The following MEIS2 variants were observed in gnomAD, a reference collection of about 807,000 sequenced individuals.
MEIS2 encodes the protein homeobox protein Meis2.
Under a neutral mutation model 58.6 loss-of-function variants are expected in MEIS2, and 9 were observed. The observed-to-expected ratio is 0.15, with a 90% CI of 0.09 to 0.27. The LOEUF (loss-of-function observed/expected upper bound fraction) is 0.27. Ranked by LOEUF, MEIS2 falls within the 10% of genes least tolerant of loss-of-function variation. MEIS2 has a pLI of 1.00. For missense variants in MEIS2, 427 were observed against 635.0 expected, an observed-to-expected ratio of 0.67 and a Z score of 3.52; for synonymous variants, 221 against 228.4, an observed-to-expected ratio of 0.97 and a Z score of 0.29.
chr15:36,900,174 C>T (rs1330791152), intron 9 of MEIS2, among the ~76,000 whole-genome samples: 1 of 152,182 alleles, frequency 6.6e-6, no homozygotes, highest in African/African-American at 2.4e-5. Flanking sequence ...TTAAACAGTT[C>T]TTAAAAAACA....
intron 9 of MEIS2, among the ~76,000 whole-genome samples, chr15:36,918,429 G>C (rs915875487): frequency 1.3e-5 from 2 of 152,150 alleles, no homozygotes; most frequent in Non-Finnish European, 2.9e-5. Context: ...AGTCCAATTT[G>C]TATTGTAAAG....
At chr15:37,093,461 C>A (rs749442925) in intron 6 of MEIS2, 120 bp downstream of exon 6, 5 of 1,244,128 alleles carry the variant, frequency 4.0e-6, no homozygotes, top group Non-Finnish European at 5.5e-6. Flanking sequence ...AGAAAAGACC[C>A]CAAAAGAGAC....
chr15:36,963,821 G>A (rs1271930116), intron 8 of MEIS2, among the ~76,000 whole-genome samples: 2 of 152,212 alleles, frequency 1.3e-5, no homozygotes, highest in Non-Finnish European at 2.9e-5. Context: ...GACTGGTTAT[G>A]CTTTCTTTTA....
chr15:37,031,815 TTGTG>T (rs66770353), intron 8 of MEIS2, among the ~76,000 whole-genome samples: 2,512 of 134,152 alleles, frequency 0.019, 28 homozygotes, highest in African/African-American at 0.029. Context: ...TTACATCACT[TTGTG>T]TGTGTGTGTG....
At chr15:37,040,681 G>C (rs1188503630) in intron 7 of MEIS2, among the ~76,000 whole-genome samples, 2 of 152,308 alleles carry the variant, frequency 1.3e-5, no homozygotes, top group East Asian at 3.9e-4. Context: ...CATAGTCTAA[G>C]TTTTGGGTAA....
At position 36,891,484 on chromosome 15, in the gene MEIS2, AG is replaced by A. The variant is rs1268729130; in HGVS notation, c.*688del. 7 of 152,692 alleles carry A rather than the reference AG, an allele frequency of 4.6e-5. No homozygotes were observed. The highest frequency in any genetic ancestry group is 1.7e-4 in the African/African-American group (7 of 41,462). 9.5% of individuals were successfully genotyped at this position (152,692 alleles called of 1,614,324 possible). A position where few individuals can be genotyped will look rare whatever the true frequency, so the allele number is the denominator to read the frequency against. On this transcript the variant is annotated 3_prime_UTR_variant, in exon 12 of 12. Transcript: ENST00000561208. ...ACCAAGGCTCAGAACTCCTGGAAGA[AG>A]CTCCTGCTCTGTCTTTAAATCTTCA... is the stretch of plus-strand genomic sequence containing the variant.
intron 8 of MEIS2, among the ~76,000 whole-genome samples, chr15:36,985,135 T>C (rs1415510562): frequency 6.6e-6 from 1 of 152,162 alleles, no homozygotes; most frequent in African/African-American, 2.4e-5. Context: ...ACTTGATCTT[T>C]CTTAAGTAAG....
intron 8 of MEIS2, among the ~76,000 whole-genome samples, chr15:37,020,493 C>T (rs891100833): frequency 1.5e-4 from 23 of 152,128 alleles, no homozygotes; most frequent in Non-Finnish European, 3.1e-4. Context: ...ACCGAATAGT[C>T]CTCCCCACGC....
At chr15:37,020,898 G>A (rs1458430990) in intron 8 of MEIS2, among the ~76,000 whole-genome samples, 2 of 152,038 alleles carry the variant, frequency 1.3e-5, no homozygotes, top group East Asian at 3.9e-4. Flanking sequence ...AATTTTGTGT[G>A]TTGAAACCCC....
intron 9 of MEIS2, among the ~76,000 whole-genome samples, chr15:36,904,472 G>A (rs1314639473): frequency 2.0e-5 from 3 of 152,246 alleles, no homozygotes; most frequent in African/African-American, 4.8e-5. Flanking sequence ...TGAACCACAC[G>A]CTCCTGAGTT....
intron 7 of MEIS2, among the ~76,000 whole-genome samples, chr15:37,047,289 C>A (rs566874146): frequency 6.6e-6 from 1 of 152,282 alleles, no homozygotes; most frequent in South Asian, 2.1e-4. Context: ...CTACCTAGAG[C>A]TAAAGCTTTT....
chr15:36,929,258 G>A (rs1249205905), intron 9 of MEIS2, among the ~76,000 whole-genome samples: 1 of 152,214 alleles, frequency 6.6e-6, no homozygotes, highest in East Asian at 1.9e-4. Flanking sequence ...ACTGTAGTGA[G>A]TCAGTAAGAT....
chr15:37,099,718 T>G lies in MEIS2; in HGVS notation c.-252A>C. ...CTCCTCCTCCTGATCTTCCTCCTCC[T>G]CCTCCACCTCCTCCTCCTCCCCCCT... On this transcript the variant is annotated 5_prime_UTR_variant, in exon 1 of 12. Transcript: ENST00000561208. 1 of 417,302 alleles carries G rather than the reference T, an allele frequency of 2.4e-6. No homozygotes were observed. The highest frequency in any genetic ancestry group is 4.3e-6 in the Non-Finnish European group (1 of 234,414). 25.8% of individuals were successfully genotyped at this position (417,302 alleles called of 1,614,324 possible).
chr15:37,095,548 G>T lies in MEIS2; in HGVS notation c.438+16C>A, dbSNP rs759048701. 1.2e-6 allele frequency: 2 copies of T among 1,614,164 alleles called. No homozygotes were observed. The highest frequency in any genetic ancestry group is 1.7e-5 in the Admixed American group (1 of 60,020). ...AGGGCAAAGGCTGGGGAAAAACAAG[G>T]AACAGAGAGCCTTACCAAATTGTCC... On this transcript the variant is annotated intron_variant, in intron 4 of 11. Transcript: ENST00000561208.
chr15:36,908,282 T>C (rs1003245130), intron 9 of MEIS2, among the ~76,000 whole-genome samples: 2 of 152,224 alleles, frequency 1.3e-5, no homozygotes, highest in Non-Finnish European at 2.9e-5. Flanking sequence ...ATTTTCGGCA[T>C]CATCCCGTAA....
intron 8 of MEIS2, among the ~76,000 whole-genome samples, chr15:36,952,232 A>G (rs769299619): frequency 2.0e-5 from 3 of 152,008 alleles, no homozygotes; most frequent in Non-Finnish European, 4.4e-5. Context: ...GACTGAAAAC[A>G]CTGGTTGGGG....
At chr15:37,098,350 A>G in intron 1 of MEIS2, 151 bp from the exon 2 acceptor site, 2 of 1,149,836 alleles carry the variant, frequency 1.7e-6, no homozygotes, top group Non-Finnish European at 2.2e-6. Context: ...AAGAGAGAAG[A>G]GAGGAGGAGG....
At chr15:37,045,998 GA>G (rs1489981718) in intron 7 of MEIS2, among the ~76,000 whole-genome samples, 1 of 152,214 alleles carries the variant, frequency 6.6e-6, no homozygotes, top group East Asian at 1.9e-4. Context: ...GGGAAAAAAA[GA>G]GGGGATTTTA....
At chr15:37,005,751 G>A (rs897591837) in intron 8 of MEIS2, among the ~76,000 whole-genome samples, 2 of 152,074 alleles carry the variant, frequency 1.3e-5, no homozygotes, top group African/African-American at 4.8e-5. Context: ...TAGAGAGGAG[G>A]CGTTGTCATG....
Sources: allele counts gnomAD v4.1 joint callset (sites outside exome capture counted in the v4.1 genomes callset), GRCh38; gene constraint gnomAD v4.1.1; transcripts MANE v1.5; gene names NCBI Gene and HGNC (gene_info 2026-07-23, HGNC 2026-07-21).